Variants in CTNNA3 observed in about 807,000 individuals in gnomAD.
CTNNA3 encodes catenin alpha 3, also known as catenin alpha-3.
CTNNA3 carries 76 observed loss-of-function variants against 95.7 expected under a neutral mutation model. The ratio of observed to expected loss-of-function variants is 0.79; its 90% CI spans 0.66 to 0.96. The LOEUF (loss-of-function observed/expected upper bound fraction) is 0.96. Ranked by LOEUF, CTNNA3 falls within the 40% of genes least tolerant of loss-of-function variation. The pLI, the probability that CTNNA3 is intolerant of heterozygous loss-of-function variation, is 0.00. For missense variants in CTNNA3, 1,191 were observed against 1,089.8 expected (o/e 1.09, Z -1.31); for synonymous variants, 431 against 374.4 (o/e 1.15, Z -1.74).
chr10:66,602,346 A>C (rs1302364454), intron 10 of CTNNA3, among the ~76,000 whole-genome samples: 1 of 151,992 alleles, frequency 6.6e-6, no homozygotes, highest in Non-Finnish European at 1.5e-5. Flanking sequence ...TACCTTCTGA[A>C]TTACATAAAA....
intron 5 of CTNNA3, among the ~76,000 whole-genome samples, chr10:67,231,257 G>T (rs985603196): frequency 1.3e-5 from 2 of 152,244 alleles, no homozygotes; most frequent in Non-Finnish European, 2.9e-5. Flanking sequence ...AGTAACCTCT[G>T]CAGACTTAAA....
chr10:66,590,780 A>C (rs1843522597), intron 10 of CTNNA3, among the ~76,000 whole-genome samples: 3 of 152,082 alleles, frequency 2.0e-5, no homozygotes, highest in Admixed American at 2.0e-4. Context: ...AGTATTAGAA[A>C]AATTATAATT....
intron 13 of CTNNA3, among the ~76,000 whole-genome samples, chr10:66,219,353 C>T (rs2088773908): frequency 6.6e-6 from 1 of 152,104 alleles, no homozygotes; most frequent in African/African-American, 2.4e-5. Flanking sequence ...ATTGCTGAAT[C>T]CTGGTTTCAC....
At chr10:66,422,881 C>A (rs901773860) in intron 11 of CTNNA3, among the ~76,000 whole-genome samples, 1 of 151,454 alleles carries the variant, frequency 6.6e-6, no homozygotes, top group African/African-American at 2.4e-5. Context: ...CCACCTCCCT[C>A]GGCCTACCAA....
chr10:67,351,009 A>G (rs986259126), intron 5 of CTNNA3, among the ~76,000 whole-genome samples: 5 of 151,608 alleles, frequency 3.3e-5, no homozygotes, highest in African/African-American at 7.3e-5. Context: ...AAATGGTGAT[A>G]CGCCCATAGT....
At chr10:66,692,187 C>T (rs952980524) in intron 9 of CTNNA3, among the ~76,000 whole-genome samples, 7 of 152,038 alleles carry the variant, frequency 4.6e-5, no homozygotes, top group Non-Finnish European at 1.0e-4. Context: ...GAAATTCAAA[C>T]CAAAGGCAAA....
intron 13 of CTNNA3, among the ~76,000 whole-genome samples, chr10:66,108,554 C>A (rs1159237271): frequency 6.6e-6 from 1 of 152,006 alleles, no homozygotes; most frequent in Admixed American, 6.6e-5. Flanking sequence ...TATATATTTT[C>A]TTTAGGTCCT....
At chr10:67,403,082 T>C (rs1278233019) in intron 5 of CTNNA3, among the ~76,000 whole-genome samples, 1 of 152,184 alleles carries the variant, frequency 6.6e-6, no homozygotes, top group Non-Finnish European at 1.5e-5. Context: ...CCTTTGTTAT[T>C]TGGACAACTC....
At chr10:66,264,184 C>T (rs1183291288) in intron 13 of CTNNA3, among the ~76,000 whole-genome samples, 1 of 151,790 alleles carries the variant, frequency 6.6e-6, no homozygotes, top group Non-Finnish European at 1.5e-5. Flanking sequence ...ATCTAAAGGC[C>T]ACTAAATTGG....
chr10:67,239,367 A>T (rs1438171758), intron 5 of CTNNA3, among the ~76,000 whole-genome samples: 2 of 2,038 alleles, frequency 9.8e-4, no homozygotes, highest in Non-Finnish European at 2.6e-3. Context: ...ACACGTGATA[A>T]AAAAAAAAAA....
intron 13 of CTNNA3, among the ~76,000 whole-genome samples, chr10:66,196,490 G>A (rs755040021): frequency 6.6e-6 from 1 of 152,144 alleles, no homozygotes; most frequent in Non-Finnish European, 1.5e-5. Flanking sequence ...CCATGCCTCT[G>A]TATATCAGAG....
chr10:67,738,257 C>T (rs948946392), intron 1 of CTNNA3, among the ~76,000 whole-genome samples: 6 of 152,138 alleles, frequency 3.9e-5, no homozygotes, highest in East Asian at 1.9e-4. Flanking sequence ...TTTGCTGTTC[C>T]GCAATATTTG....
intron 13 of CTNNA3, among the ~76,000 whole-genome samples, chr10:66,255,808 G>A (rs181593955): frequency 2.7e-4 from 41 of 152,312 alleles, no homozygotes; most frequent in African/African-American, 9.4e-4. Context: ...TGGATCTTTT[G>A]CAAATTCCAT....
intron 7 of CTNNA3, among the ~76,000 whole-genome samples, chr10:66,986,526 G>C (rs2132910787): frequency 6.6e-6 from 1 of 151,880 alleles, no homozygotes; most frequent in Admixed American, 6.6e-5. Context: ...AAATAAAGTA[G>C]CAAGACCTCT....
intron 13 of CTNNA3, among the ~76,000 whole-genome samples, chr10:66,198,402 T>C (rs1324458125): frequency 1.3e-5 from 2 of 152,274 alleles, no homozygotes; most frequent in East Asian, 3.9e-4. Flanking sequence ...GGAATCTACC[T>C]GATTAATTTG....
At chr10:66,903,672 C>T (rs1845853687) in intron 7 of CTNNA3, among the ~76,000 whole-genome samples, 1 of 152,194 alleles carries the variant, frequency 6.6e-6, no homozygotes, top group African/African-American at 2.4e-5. Flanking sequence ...TAAGCAACTT[C>T]AGCAAAGTCT....
chr10:66,549,810 TTTAA>T (rs1484908403), intron 10 of CTNNA3, among the ~76,000 whole-genome samples: 8 of 152,216 alleles, frequency 5.3e-5, no homozygotes, highest in African/African-American at 1.9e-4. Context: ...TGATTTCTAC[TTTAA>T]TTATGTTGTG....
At chr10:67,672,577 G>T (rs964710217) in intron 1 of CTNNA3, among the ~76,000 whole-genome samples, 2,299 of 152,048 alleles carry the variant, frequency 0.015, 26 homozygotes, top group Non-Finnish European at 0.023. Context: ...TTTCTACGTA[G>T]GGCTAGCCAG....
At chr10:66,733,896 TC>T (rs2132673594) in intron 9 of CTNNA3, among the ~76,000 whole-genome samples, 1 of 151,880 alleles carries the variant, frequency 6.6e-6, no homozygotes, top group East Asian at 1.9e-4. Context: ...AAAAACAATT[TC>T]TAAGAGTGCT....
Sources: gnomAD v4.1 joint callset for allele counts (sites outside exome capture counted in the v4.1 genomes callset) on GRCh38, gnomAD v4.1.1 for gene constraint, MANE v1.5 for transcripts, NCBI Gene and HGNC (gene_info 2026-07-23, HGNC 2026-07-21) for gene names.